Variants in DLGAP4 observed in about 807,000 individuals in gnomAD.
DLGAP4 encodes the protein DLG associated protein 4, also known as disks large-associated protein 4.
DLGAP4 carries 18 observed loss-of-function variants against 86.9 expected under a neutral mutation model. The ratio of observed to expected loss-of-function variants is 0.21; its 90% CI spans 0.14 to 0.31. The LOEUF (loss-of-function observed/expected upper bound fraction) is 0.31, where lower values mean the gene tolerates loss of function less well. DLGAP4 is among the 10% of genes least tolerant of loss of function. DLGAP4 has a pLI of 1.00. For missense variants in DLGAP4, 1,085 were observed against 1,362.6 expected (o/e 0.80, Z 3.21); for synonymous variants, 548 against 574.3 (o/e 0.95, Z 0.65).
chr20:36,528,438 AGG>A lies in DLGAP4; in HGVS notation c.*1413_*1414del, dbSNP rs11477084. 2 of 123,380 alleles carry A rather than the reference AGG, an allele frequency of 1.6e-5. No homozygotes were observed. The highest frequency in any genetic ancestry group is 3.4e-5 in the Non-Finnish European group (2 of 58,926). 7.6% of individuals were successfully genotyped at this position (123,380 alleles called of 1,614,324 possible). On this transcript the variant is annotated 3_prime_UTR_variant, in exon 13 of 13. Transcript: ENST00000339266. ...CATCCTCTTGGCTGGCGCTTGCTGC[AGG>A]GGGGGACCCCCCCCCGTCCCCAGGT...
chr20:36,466,981 C>G (rs377353581), intron 7 of DLGAP4, among the ~76,000 whole-genome samples: 2 of 150,430 alleles, frequency 1.3e-5, no homozygotes, highest in South Asian at 2.1e-4. Context: ...TCTCCTCTCT[C>G]TCTCTCTCTG....
At chr20:36,351,401 G>T (rs2030149211) in intron 1 of DLGAP4, among the ~76,000 whole-genome samples, 1 of 151,986 alleles carries the variant, frequency 6.6e-6, no homozygotes, top group Non-Finnish European at 1.5e-5. Flanking sequence ...TCTCATAGGA[G>T]CTCGAACCCT....
At chr20:36,524,193 A>G in intron 10 of DLGAP4, 57 bp from the exon 11 acceptor site, 1 of 1,417,022 alleles carries the variant, frequency 7.1e-7, no homozygotes, top group South Asian at 1.2e-5. Context: ...GCATGATGCC[A>G]TCCCACCAAA....
chr20:36,356,848 C>T (rs1555893877), intron 1 of DLGAP4, among the ~76,000 whole-genome samples: 13 of 152,172 alleles, frequency 8.5e-5, no homozygotes, highest in Non-Finnish European at 1.9e-4. Flanking sequence ...CCCCAGTCAT[C>T]AGGACAGAAA....
At chr20:36,436,535 C>T (rs1168247408) in intron 4 of DLGAP4, among the ~76,000 whole-genome samples, 185 bp downstream of exon 4, 1 of 151,998 alleles carries the variant, frequency 6.6e-6, no homozygotes, top group Non-Finnish European at 1.5e-5. Flanking sequence ...AAATAAGGCC[C>T]GCCCGGCGCG....
intron 2 of DLGAP4, among the ~76,000 whole-genome samples, chr20:36,405,824 C>G (rs1466465544): frequency 6.6e-6 from 1 of 152,114 alleles, no homozygotes; most frequent in Non-Finnish European, 1.5e-5. Context: ...CACATGGACT[C>G]CAGGCTGGGG....
intron 2 of DLGAP4, among the ~76,000 whole-genome samples, chr20:36,373,720 A>G (rs944761867): frequency 3.3e-5 from 5 of 152,204 alleles, no homozygotes; most frequent in Admixed American, 2.0e-4. Flanking sequence ...AAAATCAGAA[A>G]AAAAACAATG....
At chr20:36,325,973 C>T (rs1024192783) in intron 1 of DLGAP4, among the ~76,000 whole-genome samples, 3 of 152,176 alleles carry the variant, frequency 2.0e-5, no homozygotes, top group Non-Finnish European at 4.4e-5. Flanking sequence ...CCAGCTCGGC[C>T]TCCCAAAGTG....
intron 2 of DLGAP4, among the ~76,000 whole-genome samples, chr20:36,422,827 T>C (rs1201175198): frequency 6.6e-6 from 1 of 152,142 alleles, no homozygotes; most frequent in Non-Finnish European, 1.5e-5. Flanking sequence ...CAATGATGCT[T>C]ATATTAATGA....
intron 10 of DLGAP4, among the ~76,000 whole-genome samples, chr20:36,505,303 T>C (rs1447533860): frequency 6.6e-6 from 1 of 152,058 alleles, no homozygotes; most frequent in African/African-American, 2.4e-5. Flanking sequence ...CAAAGGTTCT[T>C]AGTTTTGATG....
chr20:36,392,513 A>G (rs896247583), intron 2 of DLGAP4, among the ~76,000 whole-genome samples: 23 of 118,174 alleles, frequency 1.9e-4, no homozygotes, highest in Admixed American at 8.5e-5. Flanking sequence ...CTGGGATTAC[A>G]GCATGCACCA....
At chr20:36,409,414 CTTTT>C (rs763499914) in intron 2 of DLGAP4, among the ~76,000 whole-genome samples, 4 of 130,614 alleles carry the variant, frequency 3.1e-5, no homozygotes, top group Non-Finnish European at 4.8e-5. Flanking sequence ...TTTTTTAACT[CTTTT>C]TTTTTTTTTT....
intron 10 of DLGAP4, among the ~76,000 whole-genome samples, chr20:36,501,569 G>A (rs920247259): frequency 6.6e-6 from 1 of 151,992 alleles, no homozygotes; most frequent in Admixed American, 6.6e-5. Flanking sequence ...GTTGGAGGGG[G>A]GTTGGGTGGT....
intron 2 of DLGAP4, among the ~76,000 whole-genome samples, chr20:36,403,087 T>C (rs577168367): frequency 2.1e-4 from 32 of 152,340 alleles, no homozygotes; most frequent in African/African-American, 7.5e-4. Flanking sequence ...AGAGCGGATA[T>C]GTCTTAGTCC....
intron 7 of DLGAP4, among the ~76,000 whole-genome samples, chr20:36,469,607 G>C (rs2034566811): frequency 6.6e-6 from 1 of 152,032 alleles, no homozygotes; most frequent in Non-Finnish European, 1.5e-5. Flanking sequence ...ACAAAAATTA[G>C]CCGAGCGTGG....
intron 1 of DLGAP4, among the ~76,000 whole-genome samples, chr20:36,328,724 G>T (rs983305113): frequency 2.0e-5 from 3 of 151,758 alleles, no homozygotes; most frequent in Non-Finnish European, 4.4e-5. Flanking sequence ...CACCTCCTGG[G>T]TTCAAGTGAT....
intron 1 of DLGAP4, among the ~76,000 whole-genome samples, chr20:36,345,308 G>A (rs557981587): frequency 6.6e-6 from 1 of 152,320 alleles, no homozygotes; most frequent in South Asian, 2.1e-4. Flanking sequence ...ATAATTTGAA[G>A]CATGTGTTGT....
intron 1 of DLGAP4, among the ~76,000 whole-genome samples, chr20:36,363,799 T>G (rs1432580536): frequency 6.6e-6 from 1 of 152,194 alleles, no homozygotes; most frequent in African/African-American, 2.4e-5. Flanking sequence ...GAATTTTGTC[T>G]CATTTATTCA....
chr20:36,519,116 CAAAA>C (rs57477007), intron 10 of DLGAP4, among the ~76,000 whole-genome samples: 2 of 139,106 alleles, frequency 1.4e-5, no homozygotes, highest in East Asian at 4.2e-4. Flanking sequence ...GACTCCATCT[CAAAA>C]AAAAAAAAAT....
Sources: allele counts gnomAD v4.1 joint callset (sites outside exome capture counted in the v4.1 genomes callset), GRCh38; gene constraint gnomAD v4.1.1; transcripts MANE v1.5; gene names NCBI Gene and HGNC (gene_info 2026-07-23, HGNC 2026-07-21).